HSPG2: variants seen among roughly 807,000 people sequenced by gnomAD.
HSPG2 encodes basement membrane-specific heparan sulfate proteoglycan core protein.
A neutral mutation model predicts 526.6 loss-of-function variants in HSPG2; 278 were observed. That is an observed-to-expected ratio of 0.53 (90% CI 0.48 to 0.58). The LOEUF (loss-of-function observed/expected upper bound fraction) is 0.58. HSPG2 is among the 20% of genes least tolerant of loss of function. The pLI, the probability that HSPG2 is intolerant of heterozygous loss-of-function variation, is 0.00. For missense variants in HSPG2, 5,354 were observed against 6,099.5 expected (o/e 0.88, Z 4.07); for synonymous variants, 2,465 against 2,555.4 (o/e 0.96, Z 1.07).
Position 21,842,076 on chromosome 1 carries a change from C to A in HSPG2, c.9119G>T (p.Ser3040Ile). 2 of 1,613,662 alleles carry A rather than the reference C, an allele frequency of 1.2e-6. No homozygotes were observed. Among genetic ancestry groups the A allele is most frequent in the South Asian group, 2.2e-5 (2 of 91,086 alleles). The change falls in exon 69 of 97, where the codon AGC becomes ATC. Residue 3040 changes from serine to isoleucine, a missense_variant. Ser to Ile is a moderately radical substitution (Grantham distance 142). Coordinates refer to ENST00000374695, the MANE Select transcript of HSPG2 (RefSeq NM_005529.7). Reference protein sequence around the residue: ...SSTVQQGQDASFKCLIHDGAA... With the variant: ...SSTVQQGQDAIFKCLIHDGAA... ...CCCGTCATGGATGAGGCACTTGAAG[C>A]TGGCATCCTGGCCCTGCTGCACGGT...
rs1372839213 is a variant in HSPG2, at chr1:21,875,021, A to G, written c.3303-19T>C. ...AGAGACCCTGGGCGTGACAAGACCC[A>G]GCGTGAATAGGAGTGCTGGCTCTGT... On this transcript the variant is annotated intron_variant, in intron 25 of 96. Coordinates refer to ENST00000374695, the MANE Select transcript of HSPG2 (RefSeq NM_005529.7). 3.9e-6 allele frequency: 6 copies of G among 1,547,334 alleles called. No homozygotes were observed. In the Admixed American group the frequency reaches 5.5e-5, roughly 14 times the overall value.
chr1:21,875,018 C>G lies in HSPG2; in HGVS notation c.3303-16G>C. ...GCCAGAGACCCTGGGCGTGACAAGACCCAGCGTGAATAGGAGTGCTGGCTC... is the reference window on the plus strand; with the variant it reads ...GCCAGAGACCCTGGGCGTGACAAGAGCCAGCGTGAATAGGAGTGCTGGCTC... On this transcript the variant is annotated splice_polypyrimidine_tract_variant and intron_variant, in intron 25 of 96. Transcript: ENST00000374695. The G allele has an allele frequency of 6.4e-7, 1 of 1,565,240 alleles. No individual in the cohort carries two copies.
chr1:21,889,155 T>C (rs964976077), intron 6 of HSPG2, among the ~76,000 whole-genome samples: 7 of 152,092 alleles, frequency 4.6e-5, no homozygotes, highest in Non-Finnish European at 7.4e-5. Flanking sequence ...GGCTACACCA[T>C]AGTAGGGGAT....
At chr1:21,836,111 A>G (rs1228585170) in intron 75 of HSPG2, among the ~76,000 whole-genome samples, 2 of 151,990 alleles carry the variant, frequency 1.3e-5, no homozygotes, top group Non-Finnish European at 2.9e-5. Flanking sequence ...GTTGGGGGGC[A>G]CCACACTCAT....
chr1:21,909,265 G>A (rs1329265801), intron 1 of HSPG2, among the ~76,000 whole-genome samples: 1 of 152,146 alleles, frequency 6.6e-6, no homozygotes, highest in Non-Finnish European at 1.5e-5. Flanking sequence ...TTACAAAGAT[G>A]CACACTTAAC....
intron 25 of HSPG2, chr1:21,875,336 A>G: frequency 1.0e-5 from 6 of 595,920 alleles, no homozygotes; most frequent in Non-Finnish European, 1.8e-5. Flanking sequence ...CTGTGGGCTG[A>G]GGCTGGGGCT....
At chr1:21,907,998 A>G in intron 1 of HSPG2, 1 of 642,406 alleles carries the variant, frequency 1.6e-6, no homozygotes, top group Non-Finnish European at 2.9e-6. Flanking sequence ...AGGGTTAAAT[A>G]CAGATGTAAA....
intron 21 of HSPG2, 103 bp from the exon 22 acceptor site, chr1:21,876,755 G>C: frequency 1.3e-6 from 2 of 1,507,724 alleles, no homozygotes; most frequent in Non-Finnish European, 1.8e-6. Flanking sequence ...AGACCCAGGG[G>C]AGCCACTGAA....
At chr1:21,927,186 C>T (rs1325821655) in intron 1 of HSPG2, among the ~76,000 whole-genome samples, 1 of 152,158 alleles carries the variant, frequency 6.6e-6, no homozygotes, top group East Asian at 1.9e-4. Context: ...CCAGGCCTCC[C>T]CTTCCCCACC....
rs1572122762 is a variant in HSPG2 at position 21,823,407 on chromosome 1, T to G, written c.13085A>C (p.His4362Pro). Residue 4362 changes from histidine to proline, a missense_variant, in exon 97 of 97, where the codon CAC becomes CCC. His to Pro is a moderately conservative substitution (Grantham distance 77, BLOSUM62 -2). Coordinates refer to ENST00000374695, the MANE Select transcript of HSPG2 (RefSeq NM_005529.7). ...ITGCVKNLVL[H>P]SARPGAPPPQ... Reference sequence around the variant, plus strand: ...GGGCGGGGCGCCGGGTCGGGCCGAGTGCAGCACCAGGTTCTTGACACAGCC... The same window carrying G: ...GGGCGGGGCGCCGGGTCGGGCCGAGGGCAGCACCAGGTTCTTGACACAGCC... 6.3e-7 allele frequency: 1 copy of G among 1,577,256 alleles called. No homozygotes were observed. The highest frequency in any genetic ancestry group is 8.6e-7 in the Non-Finnish European group (1 of 1,166,528).
chr1:21,844,382 C>T (rs756250981), intron 64 of HSPG2, 83 bp from the exon 65 acceptor site: 42 of 1,454,106 alleles, frequency 2.9e-5, no homozygotes, highest in Non-Finnish European at 3.9e-5. Flanking sequence ...ATACTAGGAC[C>T]AGAGGCCATT....
Position 21,893,799 on chromosome 1 carries a change from G to C in HSPG2, c.244+2123C>G, listed in dbSNP as rs981079835. Among the ~76,000 whole-genome samples, 6 of 151,292 alleles carry C rather than the reference G, an allele frequency of 4.0e-5. No homozygotes were observed. In the South Asian group the frequency reaches 1.0e-3, roughly 26 times the overall value. On this transcript the variant is annotated intron_variant, in intron 3 of 96. Coordinates refer to ENST00000374695, the MANE Select transcript of HSPG2 (RefSeq NM_005529.7). The surrounding 1 kb of genome is among the most constrained non-coding windows in gnomAD (Gnocchi z 4.3). Reference sequence around the variant, plus strand: ...AAAGAGACAGAAAGACAGAGACAGAGATAAAGAAAGTGGGGCGGGGGAGAA... The same window carrying C: ...AAAGAGACAGAAAGACAGAGACAGACATAAAGAAAGTGGGGCGGGGGAGAA...
rs764410384 is a variant in HSPG2 at position 21,854,988 on chromosome 1, C to T, written c.5998-5G>A. 2.5e-5 allele frequency: 40 copies of T among 1,611,872 alleles called. No individual in the cohort carries two copies. Among genetic ancestry groups the T allele is most frequent in the Admixed American group, 1.2e-4 (7 of 60,004 alleles). ...GTCTGTGCGCTCTGACCGGGCCTGC[C>T]GTGGGTGAGATGGGTCAGCTGCCCC... On this transcript the variant is annotated splice_region_variant and splice_polypyrimidine_tract_variant and intron_variant, in intron 47 of 96. Transcript: ENST00000374695.
Position 21,841,272 on chromosome 1 carries a change from C to CA in HSPG2, c.9341dup (p.Ser3115ValfsTer62), listed in dbSNP as rs1382384653. Reference sequence around the variant, plus strand: ...ACACGGGGCCCTCGGGGAGCACGGACACTGTAGGGGGCCCTGTGCGGAGGA... The same window carrying CA: ...ACACGGGGCCCTCGGGGAGCACGGACAACTGTAGGGGGCCCTGTGCGGAGGA... On this transcript the variant is annotated frameshift_variant, in exon 71 of 97. Transcript: ENST00000374695. LOFTEE classifies it high-confidence loss of function. The CA allele has an allele frequency of 6.2e-7, 1 of 1,613,676 alleles. No homozygotes were observed. Among genetic ancestry groups the CA allele is most frequent in the Non-Finnish European group, 8.5e-7 (1 of 1,180,024 alleles).
In HSPG2 at chr1:21,872,934, T is replaced by C; in HGVS notation, c.3888+63A>G. 1 of 1,566,368 alleles carries C rather than the reference T, an allele frequency of 6.4e-7. No homozygotes were observed. The highest frequency in any genetic ancestry group is 8.8e-7 in the Non-Finnish European group (1 of 1,137,448). On this transcript the variant is annotated intron_variant, in intron 31 of 96. Transcript: ENST00000374695. The surrounding 1 kb of genome is among the most constrained non-coding windows in gnomAD (Gnocchi z 5.5). ...CGGCTTCCACCAGATGCTGCCTGAT[T>C]TCCCCGCAGGGTCTGGGCAGCGGGG...
At position 21,828,930 on chromosome 1, in the gene HSPG2, G is replaced by A. The variant is rs1219528333; in HGVS notation, c.12142C>T (p.Leu4048=). The A allele has an allele frequency of 1.3e-6, 2 of 1,570,124 alleles. No individual in the cohort carries two copies. Among genetic ancestry groups the A allele is most frequent in the Non-Finnish European group, 1.7e-6 (2 of 1,157,578 alleles). ...SSPGKSQGLN[L]HTLLYLGGVE... Reference sequence around the variant, plus strand: ...CCCCCCAGGTAGAGCAGGGTGTGCAGGTTGAGGCCCTGGCTCTTGCCGGGC... The same window carrying A: ...CCCCCCAGGTAGAGCAGGGTGTGCAAGTTGAGGCCCTGGCTCTTGCCGGGC... The change falls in exon 88 of 97, where the codon CTG becomes TTG. Residue 4048 remains leucine (L), a synonymous_variant. Transcript: ENST00000374695. The surrounding 1 kb of genome is among the most constrained non-coding windows in gnomAD (Gnocchi z 6.0).
At position 21,824,260 on chromosome 1, in the gene HSPG2, G is replaced by A. The variant is rs372638570; in HGVS notation, c.12815+46C>T. Reference sequence around the variant, plus strand: ...CTGGGGCAGGACCGGGGGGTGGGGTGCTGGGACCAGGGAAGGGAGAGGAAG... The same window carrying A: ...CTGGGGCAGGACCGGGGGGTGGGGTACTGGGACCAGGGAAGGGAGAGGAAG... On this transcript the variant is annotated intron_variant, in intron 94 of 96. Transcript: ENST00000374695. This position sits in a 1 kb window ranked among gnomAD's most constrained non-coding sequence, Gnocchi z 5.9. 4 of 1,612,612 alleles carry A rather than the reference G, an allele frequency of 2.5e-6. No homozygotes were observed. The African/African-American group carries it at 4.0e-5, about 16-fold the overall frequency.
At chr1:21,825,052 C>T in intron 91 of HSPG2, 2 of 509,234 alleles carry the variant, frequency 3.9e-6, no homozygotes, top group South Asian at 4.2e-5. Flanking sequence ...AGTGGTAGGA[C>T]CTGCAACTTT....
At position 21,898,145 on chromosome 1, in the gene HSPG2, T is replaced by C. The variant is rs1048414477; in HGVS notation, c.64-1835A>G. On this transcript the variant is annotated intron_variant, in intron 1 of 96. Transcript: ENST00000374695. This position sits in a 1 kb window ranked among gnomAD's most constrained non-coding sequence, Gnocchi z 4.0. Reference sequence around the variant, plus strand: ...AGTCACTCTGTGAAGATGACTTGCTTTGGGGAGGCACTACCTACCTCTGTG... The same window carrying C: ...AGTCACTCTGTGAAGATGACTTGCTCTGGGGAGGCACTACCTACCTCTGTG... Among the ~76,000 whole-genome samples, 1 of 152,170 alleles carries C rather than the reference T, an allele frequency of 6.6e-6. No homozygotes were observed. Among genetic ancestry groups the C allele is most frequent in the Non-Finnish European group, 1.5e-5 (1 of 68,022 alleles).
Sources: gnomAD v4.1 joint callset for allele counts (sites outside exome capture counted in the v4.1 genomes callset) on GRCh38, gnomAD v4.1.1 for gene constraint, Gnocchi (gnomAD v3.1) non-coding constraint, MANE v1.5 for transcripts, NCBI Gene and HGNC (gene_info 2026-07-23, HGNC 2026-07-21) for gene names.